The following GABRB2 variants were observed in gnomAD, a reference collection of about 807,000 sequenced individuals.
GABRB2 encodes gamma-aminobutyric acid receptor subunit beta-2.
Under a neutral mutation model 54.7 loss-of-function variants are expected in GABRB2, and 16 were observed. That is an observed-to-expected ratio of 0.29 (90% CI 0.20 to 0.44). The LOEUF (loss-of-function observed/expected upper bound fraction) is 0.44, where lower values mean the gene tolerates loss of function less well. Among genes scored for constraint, GABRB2 ranks in the 20% least tolerant of loss-of-function variants. The pLI, the probability that GABRB2 is intolerant of heterozygous loss-of-function variation, is 1.00. For missense variants in GABRB2, 355 were observed against 644.0 expected, an observed-to-expected ratio of 0.55 and a Z score of 4.86; for synonymous variants, 244 against 233.8, an observed-to-expected ratio of 1.04 and a Z score of -0.40.
rs532421155 is a variant in GABRB2 at position 161,491,069 on chromosome 5, T to C, written c.238-31225A>G. ...AGTAGATAAAGCCAGCATTATAAAA[T>C]TAAACTAATACTTACCAAATATGCC... On this transcript the variant is annotated intron_variant, in intron 3 of 9. Transcript: ENST00000393959. Among the ~76,000 whole-genome samples the C allele has an allele frequency of 7.9e-5, 12 of 151,736 alleles. No individual in the cohort carries two copies. In the South Asian group the frequency reaches 2.5e-3, roughly 31 times the overall value.
intron 3 of GABRB2, among the ~76,000 whole-genome samples, chr5:161,513,891 C>G (rs950822600): frequency 5.3e-5 from 8 of 152,150 alleles, no homozygotes; most frequent in African/African-American, 1.9e-4. Flanking sequence ...ATCACACACA[C>G]TGGAAATGTT....
intron 7 of GABRB2, among the ~76,000 whole-genome samples, chr5:161,333,083 C>T (rs1314416041): frequency 3.3e-5 from 5 of 152,096 alleles, no homozygotes; most frequent in Non-Finnish European, 1.5e-5. Context: ...TAAAGTATTT[C>T]TGAAACTAGT....
chr5:161,449,266 T>G (rs912556883), intron 4 of GABRB2, among the ~76,000 whole-genome samples: 11 of 152,172 alleles, frequency 7.2e-5, no homozygotes, highest in African/African-American at 2.7e-4. Flanking sequence ...AGCTATAAAA[T>G]GGACATAACA....
At chr5:161,345,419 G>C (rs1487731216) in intron 5 of GABRB2, among the ~76,000 whole-genome samples, 2 of 151,900 alleles carry the variant, frequency 1.3e-5, no homozygotes, top group Non-Finnish European at 2.9e-5. Context: ...AATTCTTCAG[G>C]CATTCAAAAC....
Position 161,291,625 on chromosome 5 carries a change from T to C in GABRB2, c.*2456A>G. ...GAGCAGAAATGAATTCCTGGTTTTA[T>C]GCTTTTGAGGCTCAAGCTGCAAAGA... On this transcript the variant is annotated 3_prime_UTR_variant, in exon 10 of 10. Coordinates refer to ENST00000393959, the MANE Select transcript of GABRB2 (RefSeq NM_001371727.1). 1.3e-5 allele frequency: 2 copies of C among 152,746 alleles called. No individual in the cohort carries two copies. 9.5% of individuals were successfully genotyped at this position (152,746 alleles called of 1,614,324 possible).
intron 5 of GABRB2, among the ~76,000 whole-genome samples, chr5:161,387,290 C>T (rs1755674447): frequency 6.6e-6 from 1 of 151,968 alleles, no homozygotes; most frequent in Non-Finnish European, 1.5e-5. Context: ...TGTGGGGCTT[C>T]CTGTGTCCTG....
chr5:161,419,140 T>C (rs2113139741), intron 4 of GABRB2, among the ~76,000 whole-genome samples: 1 of 151,796 alleles, frequency 6.6e-6, no homozygotes, highest in South Asian at 2.1e-4. Flanking sequence ...AACAAACAAA[T>C]AAACAAACTA....
chr5:161,505,762 C>T (rs1759587614), intron 3 of GABRB2, among the ~76,000 whole-genome samples: 1 of 152,010 alleles, frequency 6.6e-6, no homozygotes, highest in African/African-American at 2.4e-5. Context: ...TAAAAAGAAA[C>T]TCTGCAGCAA....
intron 5 of GABRB2, among the ~76,000 whole-genome samples, chr5:161,389,351 T>A (rs1482100602): frequency 6.6e-6 from 1 of 152,054 alleles, no homozygotes; most frequent in Non-Finnish European, 1.5e-5. Flanking sequence ...TTCCCCAAAT[T>A]ATTTCTTCTA....
intron 5 of GABRB2, among the ~76,000 whole-genome samples, chr5:161,377,518 G>T (rs1034956091): frequency 7.2e-5 from 11 of 152,004 alleles, no homozygotes; most frequent in Non-Finnish European, 1.5e-4. Context: ...TACCTGAAAA[G>T]ATTTTTTCTC....
At chr5:161,485,019 C>T (rs1758874875) in intron 3 of GABRB2, among the ~76,000 whole-genome samples, 1 of 151,952 alleles carries the variant, frequency 6.6e-6, no homozygotes, top group Non-Finnish European at 1.5e-5. Context: ...TCCCGAAGAG[C>T]TAGATCTTTG....
At chr5:161,445,105 G>A (rs1271025584) in intron 4 of GABRB2, among the ~76,000 whole-genome samples, 1 of 152,110 alleles carries the variant, frequency 6.6e-6, no homozygotes. Context: ...TGTAGGATGT[G>A]CACTCCTCAA....
intron 3 of GABRB2, among the ~76,000 whole-genome samples, chr5:161,506,277 G>A (rs1362970650): frequency 2.0e-5 from 3 of 152,068 alleles, no homozygotes; most frequent in Non-Finnish European, 4.4e-5. Flanking sequence ...GAAGACATAT[G>A]AAAAAGAAAA....
chr5:161,473,693 T>A lies in GABRB2; in HGVS notation c.238-13849A>T, dbSNP rs541117209. On this transcript the variant is annotated intron_variant, in intron 3 of 9. Coordinates refer to ENST00000393959, the MANE Select transcript of GABRB2 (RefSeq NM_001371727.1). ...CTCTTACCCAGATTGTATGAATACA[T>A]TTTTATCATTAATAGAAAAATCCTA... 6.6e-5 allele frequency among the ~76,000 whole-genome samples: 10 copies of A among 152,088 alleles called. No individual in the cohort carries two copies. In the South Asian group the frequency reaches 1.4e-3, roughly 22 times the overall value.
intron 4 of GABRB2, among the ~76,000 whole-genome samples, chr5:161,419,306 T>C (rs1428424466): frequency 1.3e-5 from 2 of 152,000 alleles, no homozygotes; most frequent in African/African-American, 4.8e-5. Flanking sequence ...AAGTAAAAAA[T>C]AGCAGATGTT....
intron 4 of GABRB2, among the ~76,000 whole-genome samples, chr5:161,418,271 CTTCTTCTGTTGTTAG>C (rs1446717696): frequency 6.6e-6 from 1 of 152,192 alleles, no homozygotes; most frequent in East Asian, 1.9e-4. Context: ...AGTCATTATT[CTTCTTCTGTTGTTAG>C]TTCTTTGATG....
chr5:161,462,464 A>G (rs1169593987), intron 3 of GABRB2, among the ~76,000 whole-genome samples: 2 of 152,198 alleles, frequency 1.3e-5, no homozygotes, highest in Non-Finnish European at 2.9e-5. Context: ...GTGATTTCCA[A>G]TTCTTGAAAT....
chr5:161,439,769 T>C (rs540361964), intron 4 of GABRB2, among the ~76,000 whole-genome samples: 3 of 151,804 alleles, frequency 2.0e-5, no homozygotes, highest in South Asian at 4.2e-4. Flanking sequence ...GGTTATATGA[T>C]GAGAATACAT....
intron 4 of GABRB2, among the ~76,000 whole-genome samples, chr5:161,421,962 T>C (rs1214296550): frequency 3.3e-5 from 5 of 152,186 alleles, no homozygotes; most frequent in African/African-American, 1.2e-4. Context: ...AAATAAAACT[T>C]AAGCCATGAC....
Sources: allele counts gnomAD v4.1 joint callset (sites outside exome capture counted in the v4.1 genomes callset), GRCh38; gene constraint gnomAD v4.1.1; transcripts MANE v1.5; gene names NCBI Gene and HGNC (gene_info 2026-07-23, HGNC 2026-07-21).